Variants in AMPH observed in about 807,000 individuals in gnomAD.
AMPH encodes amphiphysin (Stiff-Mann syndrome with breast cancer 128kD autoantigen).
A neutral mutation model predicts 99.1 loss-of-function variants in AMPH; 49 were observed. The ratio of observed to expected loss-of-function variants is 0.49; its 90% CI spans 0.39 to 0.63. AMPH has a LOEUF of 0.63. Ranked by LOEUF, AMPH falls within the 20% of genes least tolerant of loss-of-function variation. AMPH has a pLI of 0.00. For synonymous variants in AMPH, 314 were observed against 317.3 expected, an observed-to-expected ratio of 0.99 and a Z score of 0.11; for missense variants, 759 against 863.4, an observed-to-expected ratio of 0.88 and a Z score of 1.52.
intron 1 of AMPH, among the ~76,000 whole-genome samples, chr7:38,589,711 T>C (rs1792786145): frequency 6.6e-6 from 1 of 152,248 alleles, no homozygotes. Context: ...CAGTATTTCA[T>C]ATTACGTAGC....
At chr7:38,590,044 G>A (rs967171294) in intron 1 of AMPH, among the ~76,000 whole-genome samples, 1 of 152,298 alleles carries the variant, frequency 6.6e-6, no homozygotes, top group Admixed American at 6.5e-5. Context: ...GAGTGTTGAA[G>A]TGTTACTGGG....
In AMPH at chr7:38,394,797, T is replaced by C. The variant is rs190388192; in HGVS notation, c.1399-583A>G. On this transcript the variant is annotated intron_variant, in intron 17 of 20. Transcript: ENST00000356264. The stretch of plus-strand genomic sequence containing the variant: ...CCACTCCCTCTTTTCACATGTAAAA[T>C]GTAGATTCACTGAGCGCTAATCAGA... Among the ~76,000 whole-genome samples, 39 of 152,332 alleles carry C rather than the reference T, an allele frequency of 2.6e-4. 1 individual carries two copies. The East Asian group carries it at 6.4e-3, about 25-fold the overall frequency.
intron 1 of AMPH, among the ~76,000 whole-genome samples, chr7:38,601,924 C>G (rs973408279): frequency 6.6e-6 from 1 of 152,168 alleles, no homozygotes; most frequent in African/African-American, 2.4e-5. Context: ...AGAAAACTAC[C>G]GAAGGCCTGT....
At chr7:38,577,464 C>T (rs73124294) in intron 1 of AMPH, among the ~76,000 whole-genome samples, 6 of 152,326 alleles carry the variant, frequency 3.9e-5, no homozygotes, top group Non-Finnish European at 7.4e-5. Context: ...TCTTTATTCC[C>T]TTGCGAGTTT....
At chr7:38,598,847 T>C (rs1178322946) in intron 1 of AMPH, among the ~76,000 whole-genome samples, 1 of 152,142 alleles carries the variant, frequency 6.6e-6, no homozygotes, top group Non-Finnish European at 1.5e-5. Flanking sequence ...GTAATCTTGA[T>C]ATTCCTTTCT....
chr7:38,574,951 G>A (rs2129053436), intron 1 of AMPH, among the ~76,000 whole-genome samples: 2 of 151,450 alleles, frequency 1.3e-5, no homozygotes, highest in South Asian at 4.2e-4. Context: ...CTACTCAGGA[G>A]GCTGAGGCAG....
intron 11 of AMPH, among the ~76,000 whole-genome samples, chr7:38,441,729 T>C (rs1031965164): frequency 2.0e-5 from 3 of 148,340 alleles, no homozygotes; most frequent in African/African-American, 7.4e-5. Flanking sequence ...ATAAAGAAAA[T>C]GATATATATG....
At chr7:38,427,214 G>A (rs1449786154) in intron 14 of AMPH, among the ~76,000 whole-genome samples, 1 of 151,832 alleles carries the variant, frequency 6.6e-6, no homozygotes, top group Non-Finnish European at 1.5e-5. Flanking sequence ...TATTGCTGCT[G>A]CATTATTGCT....
intron 11 of AMPH, among the ~76,000 whole-genome samples, chr7:38,450,397 C>T (rs968145408): frequency 5.3e-5 from 8 of 152,168 alleles, no homozygotes; most frequent in Admixed American, 4.6e-4. Context: ...CTAAGGGGAC[C>T]GTCATGCTTT....
intron 4 of AMPH, 51 bp from the exon 5 acceptor site, chr7:38,491,196 C>A (rs1472355612): frequency 3.2e-6 from 4 of 1,249,922 alleles, no homozygotes; most frequent in Non-Finnish European, 4.5e-6. Context: ...GGATACCTTT[C>A]ACCAAACTTC....
chr7:38,454,556 G>C (rs901065815), intron 11 of AMPH, among the ~76,000 whole-genome samples: 4 of 151,728 alleles, frequency 2.6e-5, no homozygotes, highest in Non-Finnish European at 5.9e-5. Flanking sequence ...ACAAAAAACA[G>C]CCACTAGCAG....
chr7:38,391,720 A>G lies in AMPH; in HGVS notation c.1878+28T>C, dbSNP rs137888041. 1.8e-4 allele frequency: 296 copies of G among 1,601,602 alleles called. 1 individual carries two copies. In the Middle Eastern group the frequency reaches 2.2e-3, roughly 12 times the overall value. On this transcript the variant is annotated intron_variant, in intron 19 of 20. Coordinates refer to ENST00000356264, the MANE Select transcript of AMPH (RefSeq NM_001635.4). Reference sequence around the variant, plus strand: ...AAAAGGGCCTTAAAGCAAAAAAAGGATAAATGAGACTTAAAAAATAAGAAT... The same window carrying G: ...AAAAGGGCCTTAAAGCAAAAAAAGGGTAAATGAGACTTAAAAAATAAGAAT...
intron 1 of AMPH, among the ~76,000 whole-genome samples, chr7:38,622,454 T>TACACAC (rs57860314): frequency 0.41 from 61,085 of 149,662 alleles, 12,899 homozygotes; most frequent in Admixed American, 0.47. Flanking sequence ...TATGAATACA[T>TACACAC]ACACACACAC....
intron 18 of AMPH, among the ~76,000 whole-genome samples, chr7:38,393,187 C>T (rs75065659): frequency 0.017 from 2,614 of 152,160 alleles, 80 homozygotes; most frequent in African/African-American, 0.06. Flanking sequence ...TTCCTTCTCC[C>T]ATAACACTGT....
chr7:38,532,242 C>T (rs578053121), intron 2 of AMPH, among the ~76,000 whole-genome samples: 1 of 152,068 alleles, frequency 6.6e-6, no homozygotes, highest in South Asian at 2.1e-4. Context: ...AGGCACTCTC[C>T]TTCCTCACTC....
At chr7:38,503,511 G>A in intron 3 of AMPH, 139 bp downstream of exon 3, 1 of 605,954 alleles carries the variant, frequency 1.7e-6, no homozygotes, top group South Asian at 2.2e-5. Flanking sequence ...GGTGGGTGGT[G>A]GAATGGAACA....
At chr7:38,628,295 T>A (rs1794329282) in intron 1 of AMPH, among the ~76,000 whole-genome samples, 1 of 152,200 alleles carries the variant, frequency 6.6e-6, no homozygotes, top group Non-Finnish European at 1.5e-5. Flanking sequence ...TTGGCAAGTG[T>A]CTCATGGACT....
intron 12 of AMPH, among the ~76,000 whole-genome samples, chr7:38,434,861 C>T (rs767410154): frequency 9.9e-5 from 15 of 152,126 alleles, no homozygotes; most frequent in South Asian, 2.1e-4. Context: ...TGTACATTCA[C>T]TTTGTACTTT....
intron 15 of AMPH, 142 bp downstream of exon 15, chr7:38,426,808 TACTC>T (rs1785797174): frequency 1.5e-6 from 1 of 648,424 alleles, no homozygotes; most frequent in African/African-American, 1.8e-5. Flanking sequence ...CTGTTTCCAT[TACTC>T]AGTCTGTAAG....
Sources: gnomAD v4.1 joint callset for allele counts (sites outside exome capture counted in the v4.1 genomes callset) on GRCh38, gnomAD v4.1.1 for gene constraint, MANE v1.5 for transcripts, NCBI Gene and HGNC (gene_info 2026-07-23, HGNC 2026-07-21) for gene names.